Variants in CAST observed in about 807,000 individuals in gnomAD.
The protein encoded by CAST is MIR583 host.
Under a neutral mutation model 119.6 loss-of-function variants are expected in CAST, and 76 were observed. That is an observed-to-expected ratio of 0.64 (90% CI 0.53 to 0.77). The LOEUF is 0.77. Ranked by LOEUF, CAST falls within the 30% of genes least tolerant of loss-of-function variation. The pLI, the probability that CAST is intolerant of heterozygous loss-of-function variation, is 0.00. For synonymous variants in CAST, 319 were observed against 331.6 expected (o/e 0.96, Z 0.41); for missense variants, 953 against 946.5 (o/e 1.01, Z -0.09).
the CAST span, among the ~76,000 whole-genome samples, chr5:96,094,159 C>T: frequency 7.2e-5 from 11 of 152,342 alleles, no homozygotes; most frequent in Non-Finnish European, 1.6e-4. Flanking sequence ...GCCCATTAGT[C>T]TCCACAGGTG....
chr5:96,367,995 T>A, the CAST span, among the ~76,000 whole-genome samples: 1 of 152,182 alleles, frequency 6.6e-6, no homozygotes, highest in South Asian at 2.1e-4. Context: ...TTATAACATG[T>A]TCCTCATTGT....
At chr5:96,062,948 T>C in the CAST span, among the ~76,000 whole-genome samples, 464 of 151,964 alleles carry the variant, frequency 3.1e-3, 3 homozygotes, top group African/African-American at 0.011. Flanking sequence ...CGAGATACAG[T>C]AGGAAAGCAA....
chr5:96,219,373 G>T, the CAST span, among the ~76,000 whole-genome samples: 5 of 152,266 alleles, frequency 3.3e-5, no homozygotes, highest in East Asian at 9.6e-4. Flanking sequence ...CTGTCTCATA[G>T]CCCCAAAGTG....
the CAST span, among the ~76,000 whole-genome samples, chr5:95,976,711 A>T: frequency 1.3e-5 from 2 of 152,130 alleles, no homozygotes; most frequent in Non-Finnish European, 2.9e-5. Flanking sequence ...TTAAGGGAGA[A>T]GATTCTTTCT....
chr5:96,716,614 A>G (rs1269586713), intron 3 of CAST, among the ~76,000 whole-genome samples: 1 of 152,184 alleles, frequency 6.6e-6, no homozygotes, highest in Non-Finnish European at 1.5e-5. Context: ...TTGTGAGGAA[A>G]GGATTTTTTT....
intron 3 of CAST, chr5:96,702,747 CA>C: frequency 1.0e-6 from 1 of 984,780 alleles, no homozygotes. Flanking sequence ...GGCCGCCGGG[CA>C]GGGGGGCGGG....
chr5:96,373,156 G>A, the CAST span, among the ~76,000 whole-genome samples: 1 of 152,286 alleles, frequency 6.6e-6, no homozygotes, highest in East Asian at 1.9e-4. Flanking sequence ...TCTGACAGCT[G>A]ATTACATTAC....
chr5:95,965,974 T>C, the CAST span, among the ~76,000 whole-genome samples: 3 of 152,268 alleles, frequency 2.0e-5, no homozygotes, highest in South Asian at 6.2e-4. Context: ...TGGCTCTGAG[T>C]TCCCCATCTG....
chr5:96,622,857 CTTTTT>C (rs5869727), intron 1 of CAST, among the ~76,000 whole-genome samples: 13 of 64,476 alleles, frequency 2.0e-4, no homozygotes, highest in South Asian at 1.6e-3. Flanking sequence ...TTATGGGACT[CTTTTT>C]TTTTTTTTTT....
chr5:96,664,356 T>G (rs1223935673), intron 1 of CAST, among the ~76,000 whole-genome samples: 1 of 150,578 alleles, frequency 6.6e-6, no homozygotes, highest in Admixed American at 6.8e-5. Flanking sequence ...TATATGTAAA[T>G]ATATGTGTGT....
At chr5:96,458,723 T>C in the CAST span, among the ~76,000 whole-genome samples, 1 of 152,168 alleles carries the variant, frequency 6.6e-6, no homozygotes, top group Non-Finnish European at 1.5e-5. Flanking sequence ...TTTAAAGTCC[T>C]TGATTTAAAC....
At chr5:96,348,970 A>G in the CAST span, among the ~76,000 whole-genome samples, 1 of 152,074 alleles carries the variant, frequency 6.6e-6, no homozygotes, top group Non-Finnish European at 1.5e-5. Context: ...GAATTGTTTC[A>G]TAGAGCTGGG....
At chr5:96,219,777 AAAGG>A in the CAST span, among the ~76,000 whole-genome samples, 8 of 138,464 alleles carry the variant, frequency 5.8e-5, no homozygotes, top group African/African-American at 1.4e-4. Flanking sequence ...AGGAAGGAAG[AAAGG>A]AAGGAAGGAA....
At chr5:96,444,931 T>C in the CAST span, among the ~76,000 whole-genome samples, 1 of 152,212 alleles carries the variant, frequency 6.6e-6, no homozygotes, top group East Asian at 1.9e-4. Flanking sequence ...AAATGGGAAC[T>C]GGCAACTGTG....
the CAST span, chr5:96,433,345 C>T: frequency 4.6e-6 from 2 of 439,526 alleles, no homozygotes; most frequent in Non-Finnish European, 8.5e-6. Context: ...GGACTAAGAT[C>T]CGAATGGTAT....
At chr5:96,040,244 G>T in the CAST span, among the ~76,000 whole-genome samples, 1 of 152,330 alleles carries the variant, frequency 6.6e-6, no homozygotes, top group East Asian at 1.9e-4. Flanking sequence ...CTTTGCTGAA[G>T]TTGCTTATCA....
chr5:96,341,418 G>A, the CAST span, among the ~76,000 whole-genome samples: 1 of 141,510 alleles, frequency 7.1e-6, no homozygotes, highest in African/African-American at 2.6e-5. Context: ...TAAGGCTCAA[G>A]ATACTATGTT....
the CAST span, among the ~76,000 whole-genome samples, chr5:95,993,166 G>A: frequency 6.6e-6 from 1 of 152,062 alleles, no homozygotes; most frequent in Non-Finnish European, 1.5e-5. Flanking sequence ...GTAATTTGGT[G>A]GGGAAAAGGA....
intron 1 of CAST, among the ~76,000 whole-genome samples, chr5:96,639,061 C>T (rs754762681): frequency 6.6e-6 from 1 of 152,198 alleles, no homozygotes; most frequent in African/African-American, 2.4e-5. Flanking sequence ...GCATTTGGCC[C>T]TGTTCCTTGT....
Sources: allele counts gnomAD v4.1 joint callset (sites outside exome capture counted in the v4.1 genomes callset), GRCh38; gene constraint gnomAD v4.1.1; transcripts MANE v1.5; gene names NCBI Gene and HGNC (gene_info 2026-07-23, HGNC 2026-07-21).